The following SPRED2 variants were observed in gnomAD, a reference collection of about 807,000 sequenced individuals.
SPRED2 encodes the protein sprouty-related, EVH1 domain-containing protein 2.
A neutral mutation model predicts 43.0 loss-of-function variants in SPRED2; 47 were observed. The ratio of observed to expected loss-of-function variants is 1.09; its 90% CI spans 0.87 to 1.40. The LOEUF is 1.40. SPRED2 is among the 40% of genes most tolerant of loss of function. The probability of loss-of-function intolerance (pLI) is 0.00; values close to 1 mark genes in which losing one functional copy is unlikely to be tolerated. For missense variants in SPRED2, 561 were observed against 586.4 expected (o/e 0.96, Z 0.45); for synonymous variants, 225 against 225.7 (o/e 1.00, Z 0.03).
intron 1 of SPRED2, among the ~76,000 whole-genome samples, chr2:65,380,181 C>T (rs1161047344): frequency 6.6e-6 from 1 of 152,174 alleles, no homozygotes; most frequent in Non-Finnish European, 1.5e-5. Flanking sequence ...GGACTCTACT[C>T]CTTGGATGCA....
At chr2:65,360,100 CAAA>C (rs57801875) in intron 1 of SPRED2, among the ~76,000 whole-genome samples, 3 of 103,218 alleles carry the variant, frequency 2.9e-5, no homozygotes, top group Admixed American at 1.1e-4. Flanking sequence ...AAAAAAAAAA[CAAA>C]AAAAAAAAAA....
In SPRED2 at chr2:65,315,658, ATATT is replaced by A. The variant is rs776856006; in HGVS notation, c.588+1072_588+1075del. On this transcript the variant is annotated intron_variant, in intron 5 of 5. Transcript: ENST00000356388. ...TTCCATCTACTGCTAGCATAATGTG[ATATT>A]TATTTATTTATTTATTTTTTGAGAT... 7.2e-5 allele frequency among the ~76,000 whole-genome samples: 11 copies of A among 152,276 alleles called. No homozygotes were observed. The East Asian group carries it at 1.5e-3, about 21-fold the overall frequency.
At chr2:65,383,961 C>A (rs1467945991) in intron 1 of SPRED2, among the ~76,000 whole-genome samples, 2 of 152,220 alleles carry the variant, frequency 1.3e-5, no homozygotes, top group African/African-American at 2.4e-5. Context: ...AGCTGCAGTG[C>A]ATGTTTCTAC....
chr2:65,354,772 A>G (rs183322555), intron 1 of SPRED2, among the ~76,000 whole-genome samples: 45 of 152,338 alleles, frequency 3.0e-4, no homozygotes, highest in African/African-American at 1.0e-3. Flanking sequence ...AGGTTGTTCA[A>G]CCTAAAACCC....
chr2:65,414,798 C>A (rs965488281), intron 1 of SPRED2, among the ~76,000 whole-genome samples: 3 of 151,946 alleles, frequency 2.0e-5, no homozygotes, highest in East Asian at 1.9e-4. Flanking sequence ...GCTTTTGGGG[C>A]GGGACAGGGA....
intron 1 of SPRED2, among the ~76,000 whole-genome samples, chr2:65,396,638 C>T (rs1294155687): frequency 4.6e-5 from 7 of 152,182 alleles, no homozygotes; most frequent in African/African-American, 1.7e-4. Context: ...TGGGTTTGTC[C>T]TGGGACATAC....
chr2:65,361,577 C>T (rs75624478), intron 1 of SPRED2, among the ~76,000 whole-genome samples: 1 of 152,158 alleles, frequency 6.6e-6, no homozygotes, highest in East Asian at 1.9e-4. Context: ...TGTATTCTAA[C>T]CTCAGTTGTA....
chr2:65,423,674 T>A (rs558919584), intron 1 of SPRED2, among the ~76,000 whole-genome samples: 1 of 152,316 alleles, frequency 6.6e-6, no homozygotes, highest in South Asian at 2.1e-4. Flanking sequence ...AACACCTTAT[T>A]ACATGATGGG....
intron 1 of SPRED2, among the ~76,000 whole-genome samples, chr2:65,401,937 G>GCACACACACACACACACACA (rs1553426622): frequency 1.7e-5 from 2 of 114,714 alleles, no homozygotes; most frequent in African/African-American, 6.8e-5. Flanking sequence ...GCGCGCGCGC[G>GCACACACACACACACACACA]CACACACACA....
Position 65,352,090 on chromosome 2 carries a change from T to C in SPRED2, c.27-7194A>G, listed in dbSNP as rs372098622. On this transcript the variant is annotated intron_variant, in intron 1 of 5. Coordinates refer to ENST00000356388, the MANE Select transcript of SPRED2 (RefSeq NM_181784.3). ...CCAAAATATGTACTGTTTGTGTGGT[T>C]AGGGTAGGCCATTACAGAAAACAGT... Among the ~76,000 whole-genome samples the C allele has an allele frequency of 6.6e-5, 10 of 152,316 alleles. No individual in the cohort carries two copies. In the East Asian group the frequency reaches 9.6e-4, roughly 15 times the overall value.
intron 2 of SPRED2, among the ~76,000 whole-genome samples, chr2:65,339,118 C>A (rs1306743844): frequency 3.1e-5 from 4 of 130,462 alleles, no homozygotes; most frequent in Admixed American, 7.3e-5. Flanking sequence ...TCAGCGCCCC[C>A]TCCCGGCCAG....
At chr2:65,401,057 T>A (rs1172245391) in intron 1 of SPRED2, among the ~76,000 whole-genome samples, 2 of 152,126 alleles carry the variant, frequency 1.3e-5, no homozygotes, top group Non-Finnish European at 2.9e-5. Context: ...AACCTCTGCC[T>A]CCCAGGTTCA....
Position 65,432,180 on chromosome 2 carries a change from G to C in SPRED2, c.-193C>G, listed in dbSNP as rs1668891558. 1 of 659,348 alleles carries C rather than the reference G, an allele frequency of 1.5e-6. No homozygotes were observed. Among genetic ancestry groups the C allele is most frequent in the East Asian group, 2.8e-5 (1 of 35,506 alleles). The allele number at this position is 659,348 out of a possible 1,614,324, so 40.8% of individuals were successfully genotyped here. ...TAGGGTTTGGGGGAAGGGGTGCAAA[G>C]GCAGGCTGCGCGGGGAGTGAACGCC... On this transcript the variant is annotated 5_prime_UTR_variant, in exon 1 of 6. Transcript: ENST00000356388.
intron 1 of SPRED2, among the ~76,000 whole-genome samples, chr2:65,398,689 A>T (rs1675811944): frequency 6.6e-6 from 1 of 152,214 alleles, no homozygotes; most frequent in Non-Finnish European, 1.5e-5. Context: ...CTCCTGCAAG[A>T]ATGGCCATAA....
chr2:65,327,131 C>T (rs1673646405), intron 4 of SPRED2, among the ~76,000 whole-genome samples: 1 of 152,260 alleles, frequency 6.6e-6, no homozygotes, highest in South Asian at 2.1e-4. Context: ...GCTGGGATTA[C>T]AGTTGTGAGC....
chr2:65,334,574 C>T, intron 3 of SPRED2, 31 bp downstream of exon 3: 6 of 1,606,356 alleles, frequency 3.7e-6, no homozygotes, highest in Non-Finnish European at 5.1e-6. Flanking sequence ...TTTCCATAGT[C>T]CCACTAAGAA....
At chr2:65,397,549 GCTGTGGGCAGAATGTCCCAAC>G (rs1490347532) in intron 1 of SPRED2, among the ~76,000 whole-genome samples, 5 of 151,384 alleles carry the variant, frequency 3.3e-5, no homozygotes, top group African/African-American at 1.2e-4. Flanking sequence ...ACCCTGCCCA[GCTGTGGGCAGAATGTCCCAAC>G]CTGACCCTTC....
intron 1 of SPRED2, among the ~76,000 whole-genome samples, chr2:65,410,833 C>T (rs1676140436): frequency 1.3e-5 from 2 of 151,896 alleles, no homozygotes; most frequent in South Asian, 4.1e-4. Context: ...AATCAGTTAG[C>T]TTGAAAGATG....
chr2:65,344,838 C>T lies in SPRED2; in HGVS notation c.85G>A (p.Gly29Arg). 2 of 1,614,132 alleles carry T rather than the reference C, an allele frequency of 1.2e-6. No individual in the cohort carries two copies. The highest frequency in any genetic ancestry group is 1.7e-5 in the Admixed American group (1 of 60,018). The change falls in exon 2 of 6, where the codon GGA (glycine) becomes AGA (arginine). Residue 29 changes from glycine to arginine, a missense_variant. Physicochemically the swap from Gly to Arg is moderately radical, Grantham distance 125. Coordinates refer to ENST00000356388, the MANE Select transcript of SPRED2 (RefSeq NM_181784.3). ...VVMTRDDSSG[G>R]WFPQEGGGIS... is the part of the protein sequence containing the mutation. ...CCGCCTCCTTCCTGTGGGAACCATCCCCCGCTGGAGTCATCTCTGGTCATA... is the reference window on the plus strand; with the variant it reads ...CCGCCTCCTTCCTGTGGGAACCATCTCCCGCTGGAGTCATCTCTGGTCATA...
Sources: allele counts gnomAD v4.1 joint callset (sites outside exome capture counted in the v4.1 genomes callset), GRCh38; gene constraint gnomAD v4.1.1; transcripts MANE v1.5; gene names NCBI Gene and HGNC (gene_info 2026-07-23, HGNC 2026-07-21).